HERC1: variants seen among roughly 807,000 people sequenced by gnomAD.
HERC1 encodes the protein probable E3 ubiquitin-protein ligase HERC1.
HERC1 carries 160 observed loss-of-function variants against 554.3 expected under a neutral mutation model. The observed-to-expected ratio is 0.29, with a 90% CI of 0.25 to 0.33. The LOEUF is 0.33. HERC1 is among the 10% of genes least tolerant of loss of function. The pLI is 1.00. For synonymous variants in HERC1, 2,175 were observed against 2,131.7 expected, an observed-to-expected ratio of 1.02 and a Z score of -0.56; for missense variants, 4,919 against 5,918.5, an observed-to-expected ratio of 0.83 and a Z score of 5.54.
At chr15:63,776,843 T>C (rs532911030) in intron 1 of HERC1, among the ~76,000 whole-genome samples, 2 of 152,270 alleles carry the variant, frequency 1.3e-5, no homozygotes, top group African/African-American at 4.8e-5. Context: ...AAAGTGCACT[T>C]GAGATTTTTA....
Position 63,694,229 on chromosome 15 carries a change from G to A in HERC1, c.5481-72C>T. 2.6e-6 allele frequency: 4 copies of A among 1,563,408 alleles called. No homozygotes were observed. Among genetic ancestry groups the A allele is most frequent in the Non-Finnish European group, 3.5e-6 (4 of 1,152,852 alleles). On this transcript the variant is annotated intron_variant, in intron 29 of 77. Coordinates refer to ENST00000443617, the MANE Select transcript of HERC1 (RefSeq NM_003922.4). This position sits in a 1 kb window ranked among gnomAD's most constrained non-coding sequence, Gnocchi z 4.3. The stretch of plus-strand genomic sequence containing the variant: ...CAAGCATAGTGCTTAAATACATAAA[G>A]CAGATTAGAGGGAAAGGGGGAATTC...
chr15:63,772,506 TAATA>T (rs981064476), intron 2 of HERC1, among the ~76,000 whole-genome samples: 1 of 150,760 alleles, frequency 6.6e-6, no homozygotes, highest in African/African-American at 2.4e-5. Context: ...TTTATTGTTT[TAATA>T]TATATATATT....
At chr15:63,684,022 T>TCCC (rs1218242009) in intron 34 of HERC1, among the ~76,000 whole-genome samples, 1 of 152,098 alleles carries the variant, frequency 6.6e-6, no homozygotes, top group Non-Finnish European at 1.5e-5. Flanking sequence ...TTTGGAACAC[T>TCCC]CCCCCTCTGT....
chr15:63,738,373 GAA>G (rs1051007505), intron 12 of HERC1, among the ~76,000 whole-genome samples: 1 of 152,080 alleles, frequency 6.6e-6, no homozygotes, highest in African/African-American at 2.4e-5. Context: ...GACATCAGTA[GAA>G]AACTGACAAA....
intron 39 of HERC1, among the ~76,000 whole-genome samples, chr15:63,671,203 C>CA (rs371521135): frequency 0.59 from 73,284 of 123,430 alleles, 22,247 homozygotes; most frequent in Non-Finnish European, 0.66. Flanking sequence ...AACTTTGTCT[C>CA]AAAAAAAAAA....
intron 1 of HERC1, among the ~76,000 whole-genome samples, chr15:63,833,398 A>T (rs758670223): frequency 1.3e-5 from 2 of 152,140 alleles, no homozygotes; most frequent in Non-Finnish European, 2.9e-5. Flanking sequence ...CCTGAGAGGG[A>T]GTCGGCCGCC....
chr15:63,785,017 G>C (rs2076397227), intron 1 of HERC1, among the ~76,000 whole-genome samples: 1 of 152,192 alleles, frequency 6.6e-6, no homozygotes, highest in Non-Finnish European at 1.5e-5. Context: ...GGGGAAAGGA[G>C]TTACAAATTA....
At chr15:63,642,856 G>A (rs1238010763) in intron 59 of HERC1, 101 bp downstream of exon 59, 1 of 716,972 alleles carries the variant, frequency 1.4e-6, no homozygotes, top group Non-Finnish European at 2.5e-6. Flanking sequence ...TAATCCCTCT[G>A]GACATCAGGT....
chr15:63,715,912 G>C (rs1348438035), intron 22 of HERC1, among the ~76,000 whole-genome samples: 2 of 152,138 alleles, frequency 1.3e-5, no homozygotes, highest in African/African-American at 4.8e-5. Flanking sequence ...AAACATTATG[G>C]CTCTCCTAAT....
chr15:63,760,371 T>C (rs1254030715), intron 3 of HERC1, among the ~76,000 whole-genome samples: 1 of 140,816 alleles, frequency 7.1e-6, no homozygotes, highest in Non-Finnish European at 1.5e-5. Context: ...ATGAAGTTAT[T>C]ATAAAGTTGC....
At chr15:63,666,914 A>T (rs2070670926) in intron 40 of HERC1, among the ~76,000 whole-genome samples, 1 of 152,200 alleles carries the variant, frequency 6.6e-6, no homozygotes, top group Non-Finnish European at 1.5e-5. Flanking sequence ...TGTGAAAAAC[A>T]AGTGTCCTTT....
At chr15:63,801,476 C>T (rs902450458) in intron 1 of HERC1, among the ~76,000 whole-genome samples, 19 of 152,350 alleles carry the variant, frequency 1.2e-4, no homozygotes, top group South Asian at 2.1e-4. Flanking sequence ...GCAAAAAACT[C>T]ACACACTTGT....
chr15:63,788,720 C>T (rs1596257699), intron 1 of HERC1, among the ~76,000 whole-genome samples: 1 of 151,656 alleles, frequency 6.6e-6, no homozygotes, highest in African/African-American at 2.4e-5. Context: ...AGTTCGAGAC[C>T]GGCCTGACCA....
intron 77 of HERC1, among the ~76,000 whole-genome samples, chr15:63,609,504 T>G (rs1442672920): frequency 2.0e-5 from 3 of 152,172 alleles, no homozygotes; most frequent in Admixed American, 2.0e-4. Context: ...CCTGTGTGTG[T>G]AAAGTGAGGA....
chr15:63,732,991 C>A lies in HERC1; in HGVS notation c.2801G>T (p.Cys934Phe). Residue 934 changes from cysteine to phenylalanine, a missense_variant, in exon 14 of 78, where the codon TGC becomes TTC. Coordinates refer to ENST00000443617, the MANE Select transcript of HERC1 (RefSeq NM_003922.4). Reference sequence around the variant, plus strand: ...TTCAGCCAGGTGGGTATCTGGATGGCAGCTCTGAGTGCCGTAAGGTTGATC... The same window carrying A: ...TTCAGCCAGGTGGGTATCTGGATGGAAGCTCTGAGTGCCGTAAGGTTGATC... ...LSDQPYGTQS[C>F]HPDTHLAEIL... 1.2e-6 allele frequency: 2 copies of A among 1,613,922 alleles called. No individual in the cohort carries two copies. Among genetic ancestry groups the A allele is most frequent in the Non-Finnish European group, 8.5e-7 (1 of 1,179,866 alleles).
chr15:63,744,725 G>A (rs1330297278), intron 12 of HERC1, among the ~76,000 whole-genome samples: 1 of 152,168 alleles, frequency 6.6e-6, no homozygotes, highest in African/African-American at 2.4e-5. Flanking sequence ...AATACTGCCT[G>A]GCCTAGGTCT....
chr15:63,823,382 C>T (rs2077769847), intron 1 of HERC1, among the ~76,000 whole-genome samples: 1 of 152,216 alleles, frequency 6.6e-6, no homozygotes, highest in African/African-American at 2.4e-5. Context: ...TTGTTTATTT[C>T]ATCCTCACAT....
intron 12 of HERC1, among the ~76,000 whole-genome samples, chr15:63,745,976 A>T (rs1427769008): frequency 1.3e-5 from 2 of 152,206 alleles, no homozygotes; most frequent in Non-Finnish European, 2.9e-5. Context: ...TTCAAAGAAC[A>T]AACATTTAGT....
intron 76 of HERC1, among the ~76,000 whole-genome samples, 172 bp downstream of exon 76, chr15:63,615,596 T>C (rs2067781026): frequency 6.6e-6 from 1 of 152,078 alleles, no homozygotes; most frequent in South Asian, 2.1e-4. Context: ...GGCGACAGAG[T>C]GAGGTGCTGT....
Sources: allele counts gnomAD v4.1 joint callset (sites outside exome capture counted in the v4.1 genomes callset), GRCh38; gene constraint gnomAD v4.1.1; non-coding constraint Gnocchi (gnomAD v3.1); transcripts MANE v1.5; gene names NCBI Gene and HGNC (gene_info 2026-07-23, HGNC 2026-07-21).